Variants in FIRRM observed in about 807,000 individuals in gnomAD.
The protein encoded by FIRRM is FIGNL1-interacting regulator of recombination and mitosis.
chr1:169,830,850 T>A, the FIRRM span: 1 of 1,057,174 alleles, frequency 9.5e-7, no homozygotes, highest in Non-Finnish European at 1.5e-6. Flanking sequence ...AATATCACAG[T>A]AACAAGATTG....
At chr1:169,852,462 A>AAAAG in the FIRRM span, 1 of 305,704 alleles carries the variant, frequency 3.3e-6, no homozygotes, top group Admixed American at 4.8e-5. Flanking sequence ...AACTCTCATA[A>AAAAG]AAAGAAAATA....
chr1:169,791,250 T>C, the FIRRM span, among the ~76,000 whole-genome samples: 1 of 152,240 alleles, frequency 6.6e-6, no homozygotes, highest in Non-Finnish European at 1.5e-5. Flanking sequence ...GCTACATCTG[T>C]ATGTGTATCT....
the FIRRM span, among the ~76,000 whole-genome samples, chr1:169,836,654 AT>A: frequency 1.3e-5 from 2 of 152,230 alleles, no homozygotes; most frequent in African/African-American, 2.4e-5. Context: ...GATATCTGAC[AT>A]AACTAATAAT....
the FIRRM span, among the ~76,000 whole-genome samples, chr1:169,800,138 A>G: frequency 6.6e-6 from 1 of 152,156 alleles, no homozygotes; most frequent in Non-Finnish European, 1.5e-5. Context: ...CGCTCAAGCA[A>G]TCCTCTCACC....
the FIRRM span, chr1:169,853,555 A>G: frequency 1.7e-5 from 12 of 716,304 alleles, no homozygotes; most frequent in Non-Finnish European, 2.8e-5. Flanking sequence ...ACTCACAGTC[A>G]GTCTCCTACT....
chr1:169,823,261 AAAG>A, the FIRRM span: 5 of 487,558 alleles, frequency 1.0e-5, no homozygotes, highest in Admixed American at 4.0e-5. Flanking sequence ...AAAAAAAAAA[AAAG>A]AAAAGAAAAG....
chr1:169,827,900 G>A, the FIRRM span: 1 of 1,550,788 alleles, frequency 6.4e-7, no homozygotes, highest in Non-Finnish European at 8.7e-7. Flanking sequence ...CTGTTGTTTG[G>A]AATGGTCTTG....
the FIRRM span, among the ~76,000 whole-genome samples, chr1:169,786,615 A>T: frequency 6.6e-6 from 1 of 152,172 alleles, no homozygotes; most frequent in African/African-American, 2.4e-5. Context: ...ATGCAATTTA[A>T]AATAAGCGCA....
chr1:169,831,149 C>T, the FIRRM span, among the ~76,000 whole-genome samples: 1 of 151,368 alleles, frequency 6.6e-6, no homozygotes, highest in Non-Finnish European at 1.5e-5. Flanking sequence ...TTTTTTAAGT[C>T]AAGATGATTT....
chr1:169,853,497 C>G, the FIRRM span: 2 of 507,272 alleles, frequency 3.9e-6, no homozygotes, highest in Non-Finnish European at 6.9e-6. Context: ...GGCTCTTCCT[C>G]CTGGAAACCA....
the FIRRM span, chr1:169,793,781 T>G: frequency 4.6e-6 from 6 of 1,300,806 alleles, no homozygotes; most frequent in Non-Finnish European, 4.2e-6. Context: ...CTGCCTCAAT[T>G]ATTCAATTAG....
At chr1:169,827,275 T>A in the FIRRM span, 1 of 1,202,360 alleles carries the variant, frequency 8.3e-7, no homozygotes, top group Non-Finnish European at 1.2e-6. Context: ...CTAGCCATTC[T>A]TTTTTACAAT....
At chr1:169,830,611 G>A in the FIRRM span, 5 of 1,312,264 alleles carry the variant, frequency 3.8e-6, no homozygotes, top group South Asian at 6.1e-5. Context: ...GTCCTCATCA[G>A]AATATTTAGT....
At chr1:169,850,431 T>C in the FIRRM span, 1 of 877,024 alleles carries the variant, frequency 1.1e-6, no homozygotes, top group Non-Finnish European at 1.8e-6. Flanking sequence ...CCTGAGTGTC[T>C]TCTTAGCTTA....
At chr1:169,803,749 A>T in the FIRRM span, among the ~76,000 whole-genome samples, 1 of 152,350 alleles carries the variant, frequency 6.6e-6, no homozygotes, top group South Asian at 2.1e-4. Flanking sequence ...TGGGTCACAG[A>T]CAGTTTTAAT....
At chr1:169,834,144 T>C in the FIRRM span, among the ~76,000 whole-genome samples, 1 of 152,182 alleles carries the variant, frequency 6.6e-6, no homozygotes, top group Non-Finnish European at 1.5e-5. Flanking sequence ...AGATAAATTA[T>C]AGTTTATGCC....
chr1:169,832,268 TAAGAA>T, the FIRRM span: 1 of 540,078 alleles, frequency 1.9e-6, no homozygotes, highest in East Asian at 2.9e-5. Context: ...TCATTGAAGA[TAAGAA>T]AAGCCCCAAA....
At chr1:169,822,743 G>A in the FIRRM span, among the ~76,000 whole-genome samples, 7 of 151,772 alleles carry the variant, frequency 4.6e-5, no homozygotes, top group African/African-American at 7.3e-5. Context: ...CAGGTGATCT[G>A]CCTGCCCTGC....
chr1:169,851,585 G>A, the FIRRM span: 19 of 550,840 alleles, frequency 3.4e-5, no homozygotes, highest in Admixed American at 5.2e-4. Context: ...AAGGTTAGCA[G>A]ACTATCATTT....
Sources: allele counts gnomAD v4.1 joint callset (sites outside exome capture counted in the v4.1 genomes callset), GRCh38; gene constraint gnomAD v4.1.1; transcripts MANE v1.5; gene names NCBI Gene and HGNC (gene_info 2026-07-23, HGNC 2026-07-21).